The following APOL1 variants were observed in gnomAD, a reference collection of about 807,000 sequenced individuals.
APOL1 encodes apolipoprotein L1, also known as apolipoprotein L 1.
In APOL1, 17 loss-of-function variants were observed where a neutral mutation model predicts 14.9. That is an observed-to-expected ratio of 1.14 (90% CI 0.78 to 1.71). APOL1 has a LOEUF of 1.71. APOL1 is among the 40% of genes most tolerant of loss of function. APOL1 has a pLI of 0.00. For synonymous variants in APOL1, 195 were observed against 184.8 expected (o/e 1.05, Z -0.45); for missense variants, 523 against 485.9 (o/e 1.08, Z -0.72).
At chr22:36,254,103 T>C in intron 1 of APOL1, 1 of 1,260,792 alleles carries the variant, frequency 7.9e-7, no homozygotes, top group Admixed American at 1.8e-5. Flanking sequence ...AATATTAGAG[T>C]CACAAGGGCA....
intron 2 of APOL1, among the ~76,000 whole-genome samples, chr22:36,256,126 G>A (rs1337076845): frequency 6.6e-6 from 1 of 152,098 alleles, no homozygotes; most frequent in Non-Finnish European, 1.5e-5. Flanking sequence ...TGTACTAATT[G>A]GTGTTGATAA....
intron 4 of APOL1, chr22:36,259,646 G>C (rs1219091406): frequency 1.3e-5 from 17 of 1,277,914 alleles, no homozygotes; most frequent in Non-Finnish European, 1.8e-5. Context: ...CCCAAAACAA[G>C]ATGATCTGTG....
chr22:36,259,668 G>C (rs939575889), intron 4 of APOL1: 3 of 1,291,584 alleles, frequency 2.3e-6, no homozygotes, highest in Non-Finnish European at 3.1e-6. Flanking sequence ...TTTAATAACA[G>C]GCCCAGCTGG....
intron 4 of APOL1, among the ~76,000 whole-genome samples, chr22:36,258,953 A>G (rs553908190): frequency 6.6e-6 from 1 of 152,014 alleles, no homozygotes; most frequent in Non-Finnish European, 1.5e-5. Context: ...GTTTGTCAGG[A>G]TCCTGTGGGC....
chr22:36,265,057 CG>C (rs1569534099), intron 5 of APOL1, 93 bp from the exon 6 acceptor site: 1 of 1,476,640 alleles, frequency 6.8e-7, no homozygotes, highest in Non-Finnish European at 9.2e-7. Context: ...GTGATCCACC[CG>C]CCTTGGCCTC....
chr22:36,262,819 T>G (rs4350853), intron 5 of APOL1, among the ~76,000 whole-genome samples: 7,297 of 152,326 alleles, frequency 0.048, 183 homozygotes, highest in Non-Finnish European at 0.054. Flanking sequence ...TCTTCTCTTC[T>G]ACACAGAGAA....
Position 36,255,185 on chromosome 22 carries a change from T to G in APOL1, c.44+186T>G, listed in dbSNP as rs28360494. On this transcript the variant is annotated intron_variant, in intron 2 of 5. Transcript: ENST00000397278. ...GCTGTATCCTAGTTGAGGCTAACGGTCAATATCCGGCCTCAATATTCAGCA... is the reference window on the plus strand; with the variant it reads ...GCTGTATCCTAGTTGAGGCTAACGGGCAATATCCGGCCTCAATATTCAGCA... Among the ~76,000 whole-genome samples the G allele has an allele frequency of 0.14, 21,510 of 152,164 alleles. 1,646 individuals are homozygous for G. Among genetic ancestry groups the G allele is most frequent in the African/African-American group, 0.19 (7,912 of 41,484 alleles).
intron 1 of APOL1, among the ~76,000 whole-genome samples, chr22:36,253,641 A>G (rs1327233201): frequency 6.6e-6 from 1 of 152,236 alleles, no homozygotes; most frequent in Non-Finnish European, 1.5e-5. Flanking sequence ...TGGGGGCAAC[A>G]GAATTTTTTT....
chr22:36,255,891 C>A lies in APOL1; in HGVS notation c.44+892C>A, dbSNP rs1382225906. 5.3e-5 allele frequency among the ~76,000 whole-genome samples: 8 copies of A among 150,280 alleles called. No individual in the cohort carries two copies. In the East Asian group the frequency reaches 1.2e-3, roughly 22 times the overall value. ...TTAGTCATTTTCATCTTATTTGTAC[C>A]CTCCCTCTATCTCTCCTCTCCACCT... On this transcript the variant is annotated intron_variant, in intron 2 of 5. Coordinates refer to ENST00000397278, the MANE Select transcript of APOL1 (RefSeq NM_003661.4).
In APOL1 at chr22:36,266,027, A is replaced by G; in HGVS notation, c.1191A>G (p.Glu397=). The stretch of plus-strand genomic sequence containing the variant: ...ATAAGATTCTGCAGGCGGACCAAGA[A>G]CTGTGACCACAGGGCAGGGCAGCCA... ...NNYKILQADQ[E]L is the part of the protein sequence containing the mutation. The change falls in exon 6 of 6, where the codon GAA becomes GAG. Residue 397 remains glutamate, a synonymous_variant. Transcript: ENST00000397278. 1.2e-6 allele frequency: 2 copies of G among 1,602,988 alleles called. No individual in the cohort carries two copies. Among genetic ancestry groups the G allele is most frequent in the Non-Finnish European group, 1.7e-6 (2 of 1,174,030 alleles).
rs529439696 is a variant in APOL1 at position 36,259,637 on chromosome 22, C to T, written c.188-1959C>T. On this transcript the variant is annotated intron_variant, in intron 4 of 5. Transcript: ENST00000397278. ...GGGGGACTGAGGAAAAACTCTCCCC[C>T]CAAAACAAGATGATCTGTGGTTTAA... 22 of 1,273,020 alleles carry T rather than the reference C, an allele frequency of 1.7e-5. No homozygotes were observed. In the East Asian group the frequency reaches 9.8e-4, roughly 57 times the overall value. The allele number at this position is 1,273,020 out of a possible 1,614,324, so 78.9% of individuals were successfully genotyped here. A position where few individuals can be genotyped will look rare whatever the true frequency, so the allele number is the denominator to read the frequency against.
At position 36,265,593 on chromosome 22, in the gene APOL1, G is replaced by A. The variant is rs1158089246; in HGVS notation, c.757G>A (p.Glu253Lys). The change falls in exon 6 of 6, where the codon GAG becomes AAG. Residue 253 changes from glutamate to lysine, a missense_variant. Transcript: ENST00000397278. ...LVIKSLDKLK[E>K]VREFLGENIS... ...CATCAAAAGCCTTGACAAATTGAAG[G>A]AGGTGAGGGAGTTTTTGGGTGAGAA... The A allele has an allele frequency of 1.3e-6, 2 of 1,596,968 alleles. No individual in the cohort carries two copies. Among genetic ancestry groups the A allele is most frequent in the East Asian group, 2.2e-5 (1 of 44,774 alleles).
rs781623466 is a variant in APOL1, at chr22:36,257,139, G to A, written c.98+3G>A. The A allele has an allele frequency of 4.3e-6, 7 of 1,614,066 alleles. No homozygotes were observed. The highest frequency in any genetic ancestry group is 1.7e-5 in the Admixed American group (1 of 60,008). ...AGGGCAGAGGAAGCTGGAGCGAGGT[G>A]AGTGTCTGCAAATAGCAGATGATGG... On this transcript the variant is annotated splice_donor_region_variant and intron_variant, in intron 3 of 5. Transcript: ENST00000397278.
At chr22:36,260,109 G>A (rs182896502) in intron 4 of APOL1, among the ~76,000 whole-genome samples, 282 of 152,328 alleles carry the variant, frequency 1.9e-3, no homozygotes, top group African/African-American at 5.6e-3. Flanking sequence ...AATTAAGAAT[G>A]AGGTGGCCGG....
intron 4 of APOL1, 158 bp downstream of exon 4, chr22:36,257,565 A>C (rs2015926850): frequency 2.6e-6 from 2 of 762,748 alleles, no homozygotes; most frequent in African/African-American, 1.7e-5. Flanking sequence ...CCCCCGACCC[A>C]GGGGTCTGGG....
At chr22:36,257,834 C>T (rs1456430590) in intron 4 of APOL1, among the ~76,000 whole-genome samples, 1 of 152,130 alleles carries the variant, frequency 6.6e-6, no homozygotes, top group East Asian at 1.9e-4. Flanking sequence ...TGAGGCTGGT[C>T]CCCTCCCTCC....
At chr22:36,259,340 T>C (rs1437995259) in intron 4 of APOL1, among the ~76,000 whole-genome samples, 2 of 152,244 alleles carry the variant, frequency 1.3e-5, no homozygotes. Context: ...CTGGGTTTCC[T>C]TCCTCCTTTT....
Position 36,266,040 on chromosome 22 carries a change from G to C in APOL1, c.*7G>C. The C allele has an allele frequency of 6.3e-7, 1 of 1,591,974 alleles. No individual in the cohort carries two copies. The highest frequency in any genetic ancestry group is 8.6e-7 in the Non-Finnish European group (1 of 1,168,976). ...GGCGGACCAAGAACTGTGACCACAG[G>C]GCAGGGCAGCCACCAGGAGAGATAT... On this transcript the variant is annotated 3_prime_UTR_variant, in exon 6 of 6. Coordinates refer to ENST00000397278, the MANE Select transcript of APOL1 (RefSeq NM_003661.4).
At chr22:36,257,707 G>A (rs1400956130) in intron 4 of APOL1, 3 of 373,426 alleles carry the variant, frequency 8.0e-6, no homozygotes, top group South Asian at 2.8e-5. Flanking sequence ...GGGGGGGGGG[G>A]GGAGTGTGGG....
Sources: gnomAD v4.1 joint callset for allele counts (sites outside exome capture counted in the v4.1 genomes callset) on GRCh38, gnomAD v4.1.1 for gene constraint, MANE v1.5 for transcripts, NCBI Gene and HGNC (gene_info 2026-07-23, HGNC 2026-07-21) for gene names.